The following PCDHA2 variants were observed in gnomAD, a reference collection of about 807,000 sequenced individuals.
PCDHA2 encodes the protein protocadherin alpha-2.
In PCDHA2, 58 loss-of-function variants were observed where a neutral mutation model predicts 66.0. The ratio of observed to expected loss-of-function variants is 0.88; its 90% CI spans 0.71 to 1.09. PCDHA2 has a LOEUF of 1.09. PCDHA2 is among the 50% of genes least tolerant of loss of function. The pLI, the probability that PCDHA2 is intolerant of heterozygous loss-of-function variation, is 0.00. For missense variants in PCDHA2, 1,267 were observed against 1,242.3 expected, an observed-to-expected ratio of 1.02 and a Z score of -0.30; for synonymous variants, 634 against 554.0, an observed-to-expected ratio of 1.14 and a Z score of -2.03.
chr5:140,880,416 C>T lies in PCDHA2; in HGVS notation c.2388+83064C>T, dbSNP rs188503917. ...AAGAGCATATGGTTGACCTTAAAAG[C>T]GGGAACAGTTTTTCCTTACAACTAG... On this transcript the variant is annotated intron_variant, in intron 1 of 3. Coordinates refer to ENST00000526136, the MANE Select transcript of PCDHA2 (RefSeq NM_018905.3). Among the ~76,000 whole-genome samples, 429 of 152,140 alleles carry T rather than the reference C, an allele frequency of 2.8e-3. 2 individuals carry two copies. Among genetic ancestry groups the T allele is most frequent in the Middle Eastern group, 0.014 (4 of 294 alleles).
chr5:140,796,326 G>C lies in PCDHA2; in HGVS notation c.1362G>C (p.Ala454=), dbSNP rs540494529. ...EVADVNDNAP[A]FAQPEYTVFV... ...CCGACGTGAACGACAACGCGCCGGC[G>C]TTCGCACAGCCTGAGTACACAGTAT... The change falls in exon 1 of 4, where the codon GCG becomes GCC. Residue 454 remains alanine, a synonymous_variant. Coordinates refer to ENST00000526136, the MANE Select transcript of PCDHA2 (RefSeq NM_018905.3). 11 of 1,608,872 alleles carry C rather than the reference G, an allele frequency of 6.8e-6. No homozygotes were observed. Among genetic ancestry groups the C allele is most frequent in the Non-Finnish European group, 8.5e-6 (10 of 1,178,640 alleles).
chr5:140,961,155 G>C (rs1214072320), intron 1 of PCDHA2, among the ~76,000 whole-genome samples: 3 of 152,126 alleles, frequency 2.0e-5, no homozygotes, highest in Non-Finnish European at 4.4e-5. Context: ...TATTATTTCA[G>C]TACATATCTA....
chr5:140,884,120 G>C, intron 1 of PCDHA2: 2 of 1,613,324 alleles, frequency 1.2e-6, no homozygotes, highest in South Asian at 2.2e-5. Flanking sequence ...GGCGGTCGGC[G>C]CGCGCATCCC....
intron 1 of PCDHA2, among the ~76,000 whole-genome samples, chr5:140,930,604 G>C (rs2086982661): frequency 6.6e-6 from 1 of 152,108 alleles, no homozygotes; most frequent in South Asian, 2.1e-4. Flanking sequence ...AGAAATCCTA[G>C]ATGCAAGAGA....
In PCDHA2 at chr5:140,982,208, G is replaced by A. The variant is rs146224628; in HGVS notation, c.2448-267G>A. 246 of 434,966 alleles carry A rather than the reference G, an allele frequency of 5.7e-4. 1 individual carries two copies. The highest frequency in any genetic ancestry group is 7.4e-4 in the Non-Finnish European group (200 of 268,658). 26.9% of individuals were successfully genotyped at this position (434,966 alleles called of 1,614,324 possible). ...GGGCTTCCTGTTAGATTTAGTGAGC[G>A]CCACATGGCGTTAATAAAAAACAGA... On this transcript the variant is annotated intron_variant, in intron 2 of 3. Coordinates refer to ENST00000526136, the MANE Select transcript of PCDHA2 (RefSeq NM_018905.3).
At chr5:140,846,541 A>AT (rs1226302144) in intron 1 of PCDHA2, among the ~76,000 whole-genome samples, 1 of 147,480 alleles carries the variant, frequency 6.8e-6, no homozygotes, top group Non-Finnish European at 1.5e-5. Flanking sequence ...TGCCCTGCTA[A>AT]TTTTTTGTAT....
In PCDHA2 at chr5:140,803,638, T is replaced by C. The variant is rs782142850; in HGVS notation, c.2388+6286T>C. 4.0e-5 allele frequency: 64 copies of C among 1,613,470 alleles called. 1 individual carries two copies. In the South Asian group the frequency reaches 6.6e-4, roughly 17 times the overall value. On this transcript the variant is annotated intron_variant, in intron 1 of 3. Transcript: ENST00000526136. ...TTTCCAAAATGTCTTTGTTTTTCAT[T>C]CCTCAATGTTTCCACTCCTCTGGAA...
chr5:140,930,747 CAT>C (rs2087070106), intron 1 of PCDHA2, among the ~76,000 whole-genome samples: 1 of 152,116 alleles, frequency 6.6e-6, no homozygotes, highest in Non-Finnish European at 1.5e-5. Context: ...AATAAATTTA[CAT>C]ATGTTAAAAT....
intron 1 of PCDHA2, chr5:140,876,403 G>A (rs1361779592): frequency 1.2e-6 from 2 of 1,613,820 alleles, no homozygotes. Context: ...ACTGGATTTT[G>A]AAGAGAATAA....
In PCDHA2 at chr5:140,870,564, G is replaced by A. The variant is rs782511789; in HGVS notation, c.2388+73212G>A. ...GGGACGCGGACGCGCAGGAGAACGCGCTGGTGTCCTACTCGCTGGTGGAGC... is the reference window on the plus strand; with the variant it reads ...GGGACGCGGACGCGCAGGAGAACGCACTGGTGTCCTACTCGCTGGTGGAGC... On this transcript the variant is annotated intron_variant, in intron 1 of 3. Coordinates refer to ENST00000526136, the MANE Select transcript of PCDHA2 (RefSeq NM_018905.3). 2.5e-6 allele frequency: 4 copies of A among 1,613,884 alleles called. No individual in the cohort carries two copies. In the African/African-American group the frequency reaches 4.0e-5, roughly 16 times the overall value.
At chr5:140,829,541 G>C in intron 1 of PCDHA2, 1 of 1,613,068 alleles carries the variant, frequency 6.2e-7, no homozygotes. Flanking sequence ...AGACGCGGAC[G>C]CGCAGGAGAA....
At chr5:140,870,614 C>G in intron 1 of PCDHA2, 2 of 1,613,212 alleles carry the variant, frequency 1.2e-6, no homozygotes, top group South Asian at 2.2e-5. Flanking sequence ...CGCGCGCTGT[C>G]GAGCTACGTG....
intron 3 of PCDHA2, among the ~76,000 whole-genome samples, chr5:140,998,010 C>A (rs2097793505): frequency 6.6e-6 from 1 of 152,096 alleles, no homozygotes; most frequent in Admixed American, 6.6e-5. Flanking sequence ...GCCTTCCATC[C>A]CCACCTCGAG....
chr5:140,812,345 C>G (rs1765088890), intron 1 of PCDHA2: 1 of 151,876 alleles, frequency 6.6e-6, no homozygotes. Flanking sequence ...GTAATGCCAC[C>G]TCTTTTGTTT....
chr5:140,813,422 G>GTACTGAA (rs1317983583), intron 1 of PCDHA2: 2 of 152,166 alleles, frequency 1.3e-5, no homozygotes, highest in African/African-American at 4.8e-5. Flanking sequence ...TATGTTAACT[G>GTACTGAA]TACTGAATAC....
intron 2 of PCDHA2, chr5:140,982,242 AAAG>A (rs2096973421): frequency 2.9e-6 from 2 of 701,584 alleles, no homozygotes; most frequent in African/African-American, 3.6e-5. Flanking sequence ...GAATTGCCAT[AAAG>A]ATAGAACATG....
At chr5:140,898,133 G>T (rs2153459320) in intron 1 of PCDHA2, among the ~76,000 whole-genome samples, 1 of 152,202 alleles carries the variant, frequency 6.6e-6, no homozygotes, top group African/African-American at 2.4e-5. Flanking sequence ...CTCCCATTTT[G>T]TAGGTTGCCT....
chr5:140,986,897 T>A (rs534075146), intron 3 of PCDHA2, among the ~76,000 whole-genome samples: 13 of 152,086 alleles, frequency 8.5e-5, no homozygotes, highest in Non-Finnish European at 1.9e-4. Flanking sequence ...TTAGGCCCTA[T>A]CCTAGACTAA....
At chr5:140,834,297 C>T (rs2150214922) in intron 1 of PCDHA2, 4 of 1,251,276 alleles carry the variant, frequency 3.2e-6, no homozygotes, top group African/African-American at 3.0e-5. Flanking sequence ...AATGGCCACA[C>T]ATCGAGATTG....
Sources: gnomAD v4.1 joint callset for allele counts (sites outside exome capture counted in the v4.1 genomes callset) on GRCh38, gnomAD v4.1.1 for gene constraint, MANE v1.5 for transcripts, NCBI Gene and HGNC (gene_info 2026-07-23, HGNC 2026-07-21) for gene names.